The following GRIN2B variants were observed in gnomAD, a reference collection of about 807,000 sequenced individuals.
GRIN2B encodes the protein glutamate receptor ionotropic, NMDA 2B.
Under a neutral mutation model 114.5 loss-of-function variants are expected in GRIN2B, and 5 were observed. That is an observed-to-expected ratio of 0.04 (90% CI 0.02 to 0.09). GRIN2B has a LOEUF of 0.09. Among genes scored for constraint, GRIN2B ranks in the 10% least tolerant of loss-of-function variants. GRIN2B has a pLI of 1.00. For missense variants in GRIN2B, 1,108 were observed against 1,943.5 expected (o/e 0.57, Z 8.08); for synonymous variants, 787 against 745.1 (o/e 1.06, Z -0.92).
chr12:13,555,753 T>G lies in GRIN2B; in HGVS notation c.*7030A>C, dbSNP rs1200870806. 6.6e-6 allele frequency: 1 copy of G among 152,124 alleles called. No homozygotes were observed. Among genetic ancestry groups the G allele is most frequent in the Non-Finnish European group, 1.5e-5 (1 of 68,014 alleles). The allele number at this position is 152,124 out of a possible 1,614,324, so 9.4% of individuals were successfully genotyped here. ...AGATTGCCTGTTGAAAGACAGGACA[T>G]GAACATGAAAGGAAAATAAAACAAA... On this transcript the variant is annotated 3_prime_UTR_variant, in exon 14 of 14. Coordinates refer to ENST00000609686, the MANE Select transcript of GRIN2B (RefSeq NM_000834.5).
intron 4 of GRIN2B, among the ~76,000 whole-genome samples, chr12:13,699,223 G>T (rs1353205619): frequency 1.3e-5 from 2 of 152,056 alleles, no homozygotes; most frequent in Admixed American, 1.3e-4. Flanking sequence ...TATATGCCTT[G>T]GGAAAGTTGG....
At chr12:13,725,630 G>A (rs1862972231) in intron 4 of GRIN2B, among the ~76,000 whole-genome samples, 1 of 152,052 alleles carries the variant, frequency 6.6e-6, no homozygotes, top group Non-Finnish European at 1.5e-5. Flanking sequence ...CTTATAGCTT[G>A]TATTTATTTG....
At position 13,693,930 on chromosome 12, in the gene GRIN2B, C is replaced by T. The variant is rs1340748558; in HGVS notation, c.1011-18071G>A. ...GACCAGTTCTGGTCACCAACTACTA[C>T]CATCTAGAGGAGTCTGCTCTCAGAT... On this transcript the variant is annotated intron_variant, in intron 4 of 13. Transcript: ENST00000609686. 4.6e-5 allele frequency among the ~76,000 whole-genome samples: 7 copies of T among 152,212 alleles called. No individual in the cohort carries two copies. The South Asian group carries it at 1.5e-3, about 32-fold the overall frequency.
At chr12:13,631,265 C>T (rs1949613515) in intron 5 of GRIN2B, among the ~76,000 whole-genome samples, 1 of 152,148 alleles carries the variant, frequency 6.6e-6, no homozygotes, top group African/African-American at 2.4e-5. Context: ...GATATCTGGT[C>T]TCAAAGCAAG....
intron 6 of GRIN2B, 73 bp downstream of exon 6, chr12:13,616,375 TCTCAGGC>T: frequency 1.0e-6 from 1 of 1,001,382 alleles, no homozygotes; most frequent in South Asian, 1.3e-5. Flanking sequence ...ATGCCTCAGG[TCTCAGGC>T]CAGCCAAGTG....
chr12:13,712,908 G>A (rs1950426726), intron 4 of GRIN2B, among the ~76,000 whole-genome samples: 1 of 151,812 alleles, frequency 6.6e-6, no homozygotes, highest in South Asian at 2.1e-4. Context: ...ATATGTGACA[G>A]TGAAAATGTT....
chr12:13,762,066 C>A (rs999414168), intron 3 of GRIN2B, among the ~76,000 whole-genome samples: 4 of 152,088 alleles, frequency 2.6e-5, no homozygotes, highest in African/African-American at 9.7e-5. Flanking sequence ...TGCAGTGGTG[C>A]AATCTCGGCT....
intron 2 of GRIN2B, among the ~76,000 whole-genome samples, chr12:13,947,520 G>A (rs557575957): frequency 1.3e-5 from 2 of 152,242 alleles, no homozygotes; most frequent in African/African-American, 2.4e-5. Context: ...GGGAAAAAAA[G>A]ACAATCACAA....
At chr12:13,749,742 T>C (rs554984619) in intron 4 of GRIN2B, among the ~76,000 whole-genome samples, 2 of 152,334 alleles carry the variant, frequency 1.3e-5, no homozygotes, top group South Asian at 4.1e-4. Context: ...TTGATTCCAC[T>C]GCTGCTTTTG....
At chr12:13,783,365 A>G (rs536480906) in intron 3 of GRIN2B, among the ~76,000 whole-genome samples, 1 of 152,300 alleles carries the variant, frequency 6.6e-6, no homozygotes, top group South Asian at 2.1e-4. Flanking sequence ...AGGATTCCCT[A>G]TGTAATGAGT....
At chr12:13,757,649 T>C (rs1224170614) in intron 3 of GRIN2B, among the ~76,000 whole-genome samples, 1 of 152,176 alleles carries the variant, frequency 6.6e-6, no homozygotes, top group Non-Finnish European at 1.5e-5. Flanking sequence ...ATTACCTGAA[T>C]GTCCTTCTTC....
At chr12:13,866,271 C>A in intron 2 of GRIN2B, 45 bp from the exon 3 acceptor site, 3 of 1,541,690 alleles carry the variant, frequency 1.9e-6, no homozygotes, top group Non-Finnish European at 2.7e-6. Flanking sequence ...ATCTACATCA[C>A]GTAACCTGTC....
At chr12:13,969,372 A>G (rs118144001) in intron 2 of GRIN2B, among the ~76,000 whole-genome samples, 7,439 of 152,326 alleles carry the variant, frequency 0.049, 254 homozygotes, top group Middle Eastern at 0.12. Context: ...GCTTAGAATC[A>G]GAAGATGTAA....
chr12:13,934,072 C>G (rs1193736400), intron 2 of GRIN2B, among the ~76,000 whole-genome samples: 4 of 152,222 alleles, frequency 2.6e-5, no homozygotes, highest in Non-Finnish European at 5.9e-5. Flanking sequence ...CTGCTGTTTT[C>G]TGTAGCATTT....
chr12:13,554,716 C>G lies in GRIN2B; in HGVS notation c.*8067G>C, dbSNP rs1180636797. On this transcript the variant is annotated 3_prime_UTR_variant, in exon 14 of 14. Coordinates refer to ENST00000609686, the MANE Select transcript of GRIN2B (RefSeq NM_000834.5). ...CAATGCTAAAAGACGCTGAAATAAT[C>G]CAGACTAGAAGGAAGGGTCTGAATG... 1.3e-5 allele frequency: 2 copies of G among 152,016 alleles called. No individual in the cohort carries two copies. Among genetic ancestry groups the G allele is most frequent in the Non-Finnish European group, 2.9e-5 (2 of 67,996 alleles). 9.4% of individuals were successfully genotyped at this position (152,016 alleles called of 1,614,324 possible).
chr12:13,799,694 GGA>G (rs777556114), intron 3 of GRIN2B, among the ~76,000 whole-genome samples: 62 of 152,006 alleles, frequency 4.1e-4, no homozygotes, highest in Non-Finnish European at 1.2e-4. Context: ...CAAATCAGCA[GGA>G]GAGAGGGGGG....
In GRIN2B at chr12:13,581,909, C is replaced by CAAA. The variant is rs71067711; in HGVS notation, c.2011-9948_2011-9946dup. Among the ~76,000 whole-genome samples, 636 of 120,140 alleles carry CAAA rather than the reference C, an allele frequency of 5.3e-3. 14 individuals are homozygous for CAAA. Among genetic ancestry groups the CAAA allele is most frequent in the East Asian group, 0.014 (58 of 4,272 alleles). The allele number at this position is 120,140 out of a possible 152,430, so 78.8% of individuals were successfully genotyped here. A position where few individuals can be genotyped will look rare whatever the true frequency, so the allele number is the denominator to read the frequency against. ...TGGGTGACAGAGTGAGACTTTGTCT[C>CAAA]AAAAAAAAAAAAAAAAAGACAATTT... On this transcript the variant is annotated intron_variant, in intron 10 of 13. Transcript: ENST00000609686.
intron 2 of GRIN2B, among the ~76,000 whole-genome samples, chr12:13,904,868 A>G (rs542401882): frequency 6.6e-6 from 1 of 152,268 alleles, no homozygotes; most frequent in Non-Finnish European, 1.5e-5. Flanking sequence ...CTTTTAAGAT[A>G]TTCTCTACTT....
At chr12:13,668,734 A>C (rs994622584) in intron 5 of GRIN2B, among the ~76,000 whole-genome samples, 1 of 152,072 alleles carries the variant, frequency 6.6e-6, no homozygotes. Flanking sequence ...AGTAAGATTT[A>C]AAAATCACCT....
Sources: allele counts gnomAD v4.1 joint callset (sites outside exome capture counted in the v4.1 genomes callset), GRCh38; gene constraint gnomAD v4.1.1; transcripts MANE v1.5; gene names NCBI Gene and HGNC (gene_info 2026-07-23, HGNC 2026-07-21).